Variants in MYO7A observed in about 807,000 individuals in gnomAD.
MYO7A encodes the protein unconventional myosin-VIIa.
A neutral mutation model predicts 263.8 loss-of-function variants in MYO7A; 210 were observed. The ratio of observed to expected loss-of-function variants is 0.80; its 90% confidence interval spans 0.71 to 0.89. MYO7A has a LOEUF of 0.89. Ranked by LOEUF, MYO7A falls within the 40% of genes least tolerant of loss-of-function variation. MYO7A has a pLI of 0.00. For missense variants in MYO7A, 2,820 were observed against 2,968.3 expected (o/e 0.95, Z 1.16); for synonymous variants, 1,239 against 1,197.3 (o/e 1.03, Z -0.72).
rs1555086002 is a variant in MYO7A at position 77,183,112 on chromosome 11, G to C, written c.3330G>C (p.Lys1110Asn). Residue 1110 changes from lysine (K) to asparagine (N), a missense_variant, in exon 26 of 49, where the codon AAG becomes AAC. Physicochemically the swap from Lys to Asn is moderately conservative, Grantham distance 94 (BLOSUM62 0). Transcript: ENST00000409709. ...AGAAGAAGAGCAGTGTGAGGCACAA[G>C]CTGGTGCATTTGACTCTGAAAAAGA... is the stretch of plus-strand genomic sequence containing the variant. ...EGQKKSSVRHKLVHLTLKKKS... is the reference protein window; with the variant it reads ...EGQKKSSVRHNLVHLTLKKKS... The C allele has an allele frequency of 6.4e-7, 1 of 1,552,316 alleles. No homozygotes were observed. The highest frequency in any genetic ancestry group is 8.7e-7 in the Non-Finnish European group (1 of 1,147,672).
At chr11:77,158,140 G>A in intron 8 of MYO7A, 137 bp from the exon 9 acceptor site, 2 of 812,342 alleles carry the variant, frequency 2.5e-6, no homozygotes, top group Non-Finnish European at 3.6e-6. Context: ...TGCTCACCGG[G>A]TGAGGTCAGC....
intron 32 of MYO7A, among the ~76,000 whole-genome samples, chr11:77,196,682 T>G (rs7932992): frequency 0.55 from 83,459 of 151,844 alleles, 23,144 homozygotes; most frequent in Admixed American, 0.61. Flanking sequence ...GACATTGAGC[T>G]CTTTGCCTCT....
At chr11:77,186,263 C>T (rs565564871) in intron 27 of MYO7A, among the ~76,000 whole-genome samples, 2 of 152,302 alleles carry the variant, frequency 1.3e-5, no homozygotes, top group South Asian at 4.2e-4. Flanking sequence ...TTGGAATGGT[C>T]ACTGAGCATT....
intron 19 of MYO7A, among the ~76,000 whole-genome samples, chr11:77,178,585 A>G (rs575108714): frequency 3.3e-5 from 5 of 152,270 alleles, no homozygotes; most frequent in Non-Finnish European, 7.4e-5. Context: ...GTCCTCTATC[A>G]GGCTGAAGAT....
chr11:77,131,726 C>T (rs1950772912), intron 2 of MYO7A, among the ~76,000 whole-genome samples: 2 of 152,216 alleles, frequency 1.3e-5, no homozygotes, highest in Admixed American at 6.5e-5. Flanking sequence ...AACGCTGACC[C>T]ACCTCCAGCT....
rs1414580181 is a variant in MYO7A at position 77,181,788 on chromosome 11, T to TG, written c.2905-163_2905-162insG. 0.15 allele frequency among the ~76,000 whole-genome samples: 21,722 copies of TG among 143,892 alleles called. 2,073 individuals carry two copies. Among genetic ancestry groups the TG allele is most frequent in the East Asian group, 0.27 (1,313 of 4,794 alleles). The allele number at this position is 143,892 out of a possible 152,430, so 94.4% of individuals were successfully genotyped here. A position where few individuals can be genotyped will look rare whatever the true frequency, so the allele number is the denominator to read the frequency against. On this transcript the variant is annotated intron_variant, in intron 23 of 48. Coordinates refer to ENST00000409709, the MANE Select transcript of MYO7A (RefSeq NM_000260.4). ...TCAAGTTTTTTTTTTTGTTTTTTTT[T>TG]TTTTTTTTTTTTTTGAGATGGGGTC...
Position 77,159,451 on chromosome 11 carries a change from C to T in MYO7A, c.1008C>T (p.Arg336=), listed in dbSNP as rs1952788024. Reference sequence around the variant, plus strand: ...TGTGCCCCTTGCTGCCAACAGCACGCACATTTGAAAACCTGGATGCCTGTG... The same window carrying T: ...TGTGCCCCTTGCTGCCAACAGCACGTACATTTGAAAACCTGGATGCCTGTG... ...LHLGNLQYEA[R]TFENLDACEV... The change falls in exon 10 of 49, where the codon CGC becomes CGT. Residue 336 remains arginine (R), a synonymous_variant. Coordinates refer to ENST00000409709, the MANE Select transcript of MYO7A (RefSeq NM_000260.4). 1.2e-6 allele frequency: 2 copies of T among 1,611,556 alleles called. No homozygotes were observed. Among genetic ancestry groups the T allele is most frequent in the Non-Finnish European group, 8.5e-7 (1 of 1,179,536 alleles).
chr11:77,189,929 C>T (rs1277973213), intron 28 of MYO7A, 91 bp from the exon 29 acceptor site: 17 of 1,438,822 alleles, frequency 1.2e-5, no homozygotes, highest in African/African-American at 8.6e-5. Flanking sequence ...CCTGGAGGAG[C>T]GGCCTCCAAG....
Position 77,161,067 on chromosome 11 carries a change from C to G in MYO7A, c.1295C>G (p.Ser432Cys). 2 of 1,613,982 alleles carry G rather than the reference C, an allele frequency of 1.2e-6. No homozygotes were observed. Among genetic ancestry groups the G allele is most frequent in the South Asian group, 2.2e-5 (2 of 91,070 alleles). Residue 432 changes from serine (S) to cysteine (C), a missense_variant, in exon 12 of 49, where the codon TCC (serine) becomes TGC (cysteine). Ser to Cys is a moderately radical substitution (Grantham distance 112, BLOSUM62 -1). Transcript: ENST00000409709. ...PSQDVKNSRR[S>C]IGLLDIFGFE... ...CAGGATGTGAAGAACTCTCGCAGGT[C>G]CATCGGCCTCCTGGACATCTTTGGG...
In MYO7A at chr11:77,174,877, G is replaced by A. The variant is rs781991817; in HGVS notation, c.2057G>A (p.Arg686His). The A allele has an allele frequency of 1.4e-4, 231 of 1,613,568 alleles. 1 individual carries two copies. In the Admixed American group the frequency reaches 1.8e-3, roughly 13 times the overall value. ...TTCGTAGAGTTTGTGGAGCGGTACC[G>A]TGTGCTGCTGCCAGGTGTGAAGCCG... ...YSFVEFVERY[R>H]VLLPGVKPAY... is the part of the protein sequence containing the mutation. The change falls in exon 17 of 49, where the codon CGT becomes CAT. Residue 686 changes from arginine (R) to histidine (H), a missense_variant. Physicochemically the swap from Arg to His is conservative, Grantham distance 29. Transcript: ENST00000409709.
At chr11:77,206,057 C>A in intron 40 of MYO7A, 40 bp from the exon 41 acceptor site, 1 of 1,502,054 alleles carries the variant, frequency 6.7e-7, no homozygotes, top group Non-Finnish European at 9.1e-7. Flanking sequence ...TCTCCACAGT[C>A]CCACGCACAT....
chr11:77,154,162 G>A (rs1297779656), intron 4 of MYO7A, among the ~76,000 whole-genome samples: 8 of 152,200 alleles, frequency 5.3e-5, no homozygotes, highest in Admixed American at 4.6e-4. Flanking sequence ...CCTGGCAAAG[G>A]TTATGTCTTT....
At chr11:77,198,672 C>T in intron 34 of MYO7A, 51 bp downstream of exon 34, 1 of 1,608,992 alleles carries the variant, frequency 6.2e-7, no homozygotes, top group South Asian at 1.1e-5. Context: ...AGGAGAGGGG[C>T]TGGAGCTTCC....
At chr11:77,202,278 C>A in intron 36 of MYO7A, 22 bp from the exon 37 acceptor site, 1 of 1,569,906 alleles carries the variant, frequency 6.4e-7, no homozygotes, top group Non-Finnish European at 8.7e-7. Context: ...CTGACCTGAG[C>A]CCCCTGTCTC....
chr11:77,158,838 T>C (rs922842972), intron 9 of MYO7A, among the ~76,000 whole-genome samples: 2 of 152,214 alleles, frequency 1.3e-5, no homozygotes, highest in Non-Finnish European at 1.5e-5. Flanking sequence ...TGTTCACTCA[T>C]CTAACATTCT....
intron 19 of MYO7A, 44 bp from the exon 20 acceptor site, chr11:77,178,994 ACCCTGGC>A: frequency 6.7e-7 from 1 of 1,485,860 alleles, no homozygotes; most frequent in Non-Finnish European, 9.2e-7. Context: ...ACCCACCTGT[ACCCTGGC>A]TGCCTCTGGA....
chr11:77,166,186 G>A, intron 15 of MYO7A, 24 bp downstream of exon 15: 1 of 1,603,316 alleles, frequency 6.2e-7, no homozygotes, highest in Non-Finnish European at 8.5e-7. Flanking sequence ...GGTTTCTGTT[G>A]TTCGGGAAGG....
Position 77,179,875 on chromosome 11 carries a change from C to A in MYO7A, c.2508C>A (p.Arg836=). Reference sequence around the variant, plus strand: ...TGGTGCGCAAGGCCTTCCGCCACCGCCTCTGGGCTGTGCTCACCGTGCAGG... The same window carrying A: ...TGGTGCGCAAGGCCTTCCGCCACCGACTCTGGGCTGTGCTCACCGTGCAGG... ...AYLVRKAFRH[R]LWAVLTVQAY... The change falls in exon 21 of 49, where the codon CGC becomes CGA. Residue 836 remains arginine (R), a synonymous_variant. Coordinates refer to ENST00000409709, the MANE Select transcript of MYO7A (RefSeq NM_000260.4). 6.5e-7 allele frequency: 1 copy of A among 1,541,022 alleles called. No homozygotes were observed. Among genetic ancestry groups the A allele is most frequent in the Non-Finnish European group, 8.7e-7 (1 of 1,146,788 alleles).
chr11:77,166,988 C>T lies in MYO7A; in HGVS notation c.1797+826C>T, dbSNP rs1219840561. 3.3e-5 allele frequency among the ~76,000 whole-genome samples: 5 copies of T among 152,344 alleles called. No homozygotes were observed. The East Asian group carries it at 5.8e-4, about 18-fold the overall frequency. ...ACTCTGCGCCACTCAGCAGCTGCTGCGAAGGTAAAAGACCCCAGCCCGGGG... is the reference window on the plus strand; with the variant it reads ...ACTCTGCGCCACTCAGCAGCTGCTGTGAAGGTAAAAGACCCCAGCCCGGGG... On this transcript the variant is annotated intron_variant, in intron 15 of 48. Transcript: ENST00000409709.
Sources: gnomAD v4.1 joint callset for allele counts (sites outside exome capture counted in the v4.1 genomes callset) on GRCh38, gnomAD v4.1.1 for gene constraint, MANE v1.5 for transcripts, NCBI Gene and HGNC (gene_info 2026-07-23, HGNC 2026-07-21) for gene names.